The following MMP26 variants were observed in gnomAD, a reference collection of about 807,000 sequenced individuals.
MMP26 encodes matrix metalloproteinase-26.
MMP26 carries 33 observed loss-of-function variants against 31.0 expected under a neutral mutation model. The ratio of observed to expected loss-of-function variants is 1.06; its 90% CI spans 0.81 to 1.42. The LOEUF (loss-of-function observed/expected upper bound fraction) is 1.42. Among genes scored for constraint, MMP26 ranks in the 40% most tolerant of loss-of-function variants. MMP26 has a pLI of 0.00. For missense variants in MMP26, 347 were observed against 316.1 expected (o/e 1.10, Z -0.74); for synonymous variants, 122 against 114.9 (o/e 1.06, Z -0.40).
At position 4,992,294 on chromosome 11, in the gene MMP26, G is replaced by T; in HGVS notation, c.*52G>T. 6.4e-7 allele frequency: 1 copy of T among 1,562,274 alleles called. No individual in the cohort carries two copies. The highest frequency in any genetic ancestry group is 8.7e-7 in the Non-Finnish European group (1 of 1,145,042). The stretch of plus-strand genomic sequence containing the variant: ...TGTCCTTTCAGGGAGTTTATTGGAG[G>T]ATCAAAGAACTGAAAGCACTAGAGC... On this transcript the variant is annotated 3_prime_UTR_variant, in exon 8 of 8. Coordinates refer to ENST00000380390, the MANE Select transcript of MMP26 (RefSeq NM_021801.5).
At chr11:4,845,532 G>A (rs1027206749) in intron 2 of MMP26, among the ~76,000 whole-genome samples, 5 of 152,072 alleles carry the variant, frequency 3.3e-5, no homozygotes, top group African/African-American at 1.2e-4. Flanking sequence ...ACATTGATCT[G>A]GGTAAAAATT....
intron 2 of MMP26, among the ~76,000 whole-genome samples, chr11:4,960,870 A>T (rs149577786): frequency 0.029 from 4,400 of 152,332 alleles, 77 homozygotes; most frequent in Middle Eastern, 0.065. Flanking sequence ...GCATAAATGC[A>T]AAGGCATATA....
intron 2 of MMP26, among the ~76,000 whole-genome samples, chr11:4,777,718 A>C (rs1594814): frequency 6.6e-6 from 1 of 151,980 alleles, no homozygotes; most frequent in African/African-American, 2.4e-5. Flanking sequence ...TCAGTGCTGT[A>C]TTTATATTAA....
intron 2 of MMP26, among the ~76,000 whole-genome samples, chr11:4,788,169 C>G (rs1848974051): frequency 6.6e-6 from 1 of 152,158 alleles, no homozygotes; most frequent in Non-Finnish European, 1.5e-5. Flanking sequence ...AGAAGGGACA[C>G]TATGACCCTA....
At chr11:4,826,866 G>A (rs559182712) in intron 2 of MMP26, among the ~76,000 whole-genome samples, 20 of 152,166 alleles carry the variant, frequency 1.3e-4, no homozygotes, top group Admixed American at 7.2e-4. Flanking sequence ...TATCAAATAC[G>A]TCTCGGGATA....
chr11:4,881,494 G>A (rs1850462475), intron 2 of MMP26, among the ~76,000 whole-genome samples: 1 of 152,054 alleles, frequency 6.6e-6, no homozygotes, highest in Admixed American at 6.6e-5. Context: ...GATGAGTCAT[G>A]AGAACATAGT....
At chr11:4,823,165 C>G (rs949596013) in intron 2 of MMP26, among the ~76,000 whole-genome samples, 6 of 151,114 alleles carry the variant, frequency 4.0e-5, no homozygotes, top group Non-Finnish European at 5.9e-5. Context: ...CGTATAGATA[C>G]TTTATAGCTG....
rs140371147 is a variant in MMP26 at position 4,946,734 on chromosome 11, C to G, written c.-144-41334C>G. The G allele has an allele frequency of 3.1e-4, 493 of 1,589,478 alleles. 39 individuals carry two copies. The African/African-American group carries it at 5.7e-3, about 18-fold the overall frequency. On this transcript the variant is annotated intron_variant, in intron 2 of 7. Coordinates refer to ENST00000380390, the MANE Select transcript of MMP26 (RefSeq NM_021801.5). Reference sequence around the variant, plus strand: ...GGGTTGTGGATGGCTAGGAATCTATCAAATGACATGATCAGGAGGACTGAG... The same window carrying G: ...GGGTTGTGGATGGCTAGGAATCTATGAAATGACATGATCAGGAGGACTGAG...
chr11:4,782,393 T>C (rs1564908419), intron 2 of MMP26, among the ~76,000 whole-genome samples: 1 of 152,192 alleles, frequency 6.6e-6, no homozygotes, highest in African/African-American at 2.4e-5. Flanking sequence ...TTTGTGAAAC[T>C]TTGAACTTAA....
At position 4,781,523 on chromosome 11, in the gene MMP26, C is replaced by T. The variant is rs1453808207; in HGVS notation, c.-145+14182C>T. ...GATTGCGCCACTGCAGTCCGCAGTC[C>T]GGCCTGGGCGACAGAGCGAGACTCC... On this transcript the variant is annotated intron_variant, in intron 2 of 7. Coordinates refer to ENST00000380390, the MANE Select transcript of MMP26 (RefSeq NM_021801.5). Among the ~76,000 whole-genome samples the T allele has an allele frequency of 1.7e-4, 10 of 57,422 alleles. 1 individual carries two copies. Among genetic ancestry groups the T allele is most frequent in the Admixed American group, 7.7e-4 (4 of 5,188 alleles). 37.7% of individuals were successfully genotyped at this position (57,422 alleles called of 152,430 possible). A position where few individuals can be genotyped will look rare whatever the true frequency, so the allele number is the denominator to read the frequency against.
intron 2 of MMP26, among the ~76,000 whole-genome samples, chr11:4,929,085 A>G (rs1314309855): frequency 6.6e-6 from 1 of 152,164 alleles, no homozygotes. Flanking sequence ...AGCTACAAGT[A>G]GTCTGGAGTC....
intron 2 of MMP26, among the ~76,000 whole-genome samples, chr11:4,977,711 G>A (rs1468314230): frequency 5.9e-5 from 9 of 151,950 alleles, no homozygotes; most frequent in Admixed American, 3.3e-4. Flanking sequence ...ATTCAGAAGC[G>A]ACAGGTGAAC....
At position 4,862,416 on chromosome 11, in the gene MMP26, T is replaced by C. The variant is rs139609100; in HGVS notation, c.-145+95075T>C. Among the ~76,000 whole-genome samples the C allele has an allele frequency of 4.0e-4, 61 of 152,086 alleles. 1 individual carries two copies. The highest frequency in any genetic ancestry group is 1.2e-3 in the African/African-American group (50 of 41,342). ...ACAATGAATGGGTGAATATGGATGA[T>C]TGAATGTCAATCTTTCAGGAGAAGT... is the stretch of plus-strand genomic sequence containing the variant. On this transcript the variant is annotated intron_variant, in intron 2 of 7. Coordinates refer to ENST00000380390, the MANE Select transcript of MMP26 (RefSeq NM_021801.5).
chr11:4,757,507 A>G (rs557651406), intron 1 of MMP26, among the ~76,000 whole-genome samples: 22 of 152,172 alleles, frequency 1.4e-4, no homozygotes, highest in African/African-American at 5.3e-4. Context: ...GTACAATTTA[A>G]AAGTCACCAT....
At chr11:4,966,552 G>C (rs1206369589) in intron 2 of MMP26, among the ~76,000 whole-genome samples, 2 of 152,168 alleles carry the variant, frequency 1.3e-5, no homozygotes, top group African/African-American at 2.4e-5. Flanking sequence ...TAAAGTTGAG[G>C]CTAGCTAAGA....
chr11:4,874,433 C>T (rs1850352569), intron 2 of MMP26, among the ~76,000 whole-genome samples: 1 of 151,906 alleles, frequency 6.6e-6, no homozygotes, highest in African/African-American at 2.4e-5. Context: ...ACCAAGGCTC[C>T]TATTTCATTT....
chr11:4,909,519 C>T (rs1489217768), intron 2 of MMP26: 1 of 152,124 alleles, frequency 6.6e-6, no homozygotes, highest in African/African-American at 2.4e-5. Flanking sequence ...GCTTATCTGT[C>T]ATGACTAGGA....
intron 2 of MMP26, chr11:4,915,415 G>C (rs761383948): frequency 6.2e-7 from 1 of 1,614,116 alleles, no homozygotes; most frequent in Non-Finnish European, 8.5e-7. Flanking sequence ...GGACTGTAGG[G>C]AGAGTGCAAA....
At chr11:4,771,455 A>C (rs2412434) in intron 2 of MMP26, among the ~76,000 whole-genome samples, 14,133 of 152,098 alleles carry the variant, frequency 0.093, 720 homozygotes, top group Middle Eastern at 0.14. Flanking sequence ...TTCCGGATAC[A>C]GTAGACGTTT....
Sources: gnomAD v4.1 joint callset for allele counts (sites outside exome capture counted in the v4.1 genomes callset) on GRCh38, gnomAD v4.1.1 for gene constraint, MANE v1.5 for transcripts, NCBI Gene and HGNC (gene_info 2026-07-23, HGNC 2026-07-21) for gene names.